GPC5: variants seen among roughly 807,000 people sequenced by gnomAD.
The protein encoded by GPC5 is glypican-5.
A neutral mutation model predicts 53.9 loss-of-function variants in GPC5; 47 were observed. The ratio of observed to expected loss-of-function variants is 0.87; its 90% CI spans 0.69 to 1.11. GPC5 has a LOEUF of 1.11. GPC5 is among the 50% of genes most tolerant of loss of function. The probability of loss-of-function intolerance (pLI) is 0.00; values close to 1 mark genes in which losing one functional copy is unlikely to be tolerated. For missense variants in GPC5, 748 were observed against 713.1 expected, an observed-to-expected ratio of 1.05 and a Z score of -0.56; for synonymous variants, 286 against 263.3, an observed-to-expected ratio of 1.09 and a Z score of -0.84.
At chr13:91,453,174 G>C (rs1272708745) in intron 2 of GPC5, among the ~76,000 whole-genome samples, 1 of 151,830 alleles carries the variant, frequency 6.6e-6, no homozygotes, top group Non-Finnish European at 1.5e-5. Context: ...GGGTTGAAAT[G>C]TTAGATTCAG....
intron 6 of GPC5, among the ~76,000 whole-genome samples, chr13:92,125,996 C>T (rs2041693987): frequency 9.1e-6 from 1 of 109,608 alleles, no homozygotes; most frequent in Middle Eastern, 0.012. Flanking sequence ...ACTTTGTTGC[C>T]CCGGCTGGAG....
chr13:91,699,053 G>T (rs2035941532), intron 3 of GPC5, among the ~76,000 whole-genome samples: 1 of 152,202 alleles, frequency 6.6e-6, no homozygotes, highest in Non-Finnish European at 1.5e-5. Flanking sequence ...GAAATAGAAT[G>T]ATACCAGAGT....
At chr13:91,596,664 G>A (rs2033005052) in intron 2 of GPC5, among the ~76,000 whole-genome samples, 1 of 152,010 alleles carries the variant, frequency 6.6e-6, no homozygotes, top group Non-Finnish European at 1.5e-5. Flanking sequence ...TTTCTTTTCA[G>A]ACTTCTGGGT....
At chr13:92,758,021 A>G (rs1213817757) in intron 7 of GPC5, among the ~76,000 whole-genome samples, 3 of 151,108 alleles carry the variant, frequency 2.0e-5, no homozygotes, top group Non-Finnish European at 2.9e-5. Flanking sequence ...TGCTATAAAG[A>G]CACATGCACA....
chr13:91,881,292 A>G (rs1022318062), intron 5 of GPC5, among the ~76,000 whole-genome samples: 1 of 152,120 alleles, frequency 6.6e-6, no homozygotes, highest in Non-Finnish European at 1.5e-5. Context: ...ATATTTTAAC[A>G]TATTTTAACA....
chr13:92,554,776 AT>A (rs1313567401), intron 7 of GPC5, among the ~76,000 whole-genome samples: 4 of 150,986 alleles, frequency 2.6e-5, no homozygotes, highest in African/African-American at 9.7e-5. Context: ...AGAAAATATT[AT>A]ATAGAAAGAT....
rs79379731 is a variant in GPC5 at position 91,528,891 on chromosome 13, A to T, written c.325+79969A>T. Among the ~76,000 whole-genome samples, 350 of 152,296 alleles carry T rather than the reference A, an allele frequency of 2.3e-3. 2 individuals are homozygous for T. Among genetic ancestry groups the T allele is most frequent in the African/African-American group, 8.0e-3 (334 of 41,554 alleles). ...CTTGTAAACCATCAGAGTGCGTGAG[A>T]ACCCCCTTACTATCATGAGGACAGC... On this transcript the variant is annotated intron_variant, in intron 2 of 7. Transcript: ENST00000377067.
chr13:92,639,805 T>G (rs1885528242), intron 7 of GPC5, among the ~76,000 whole-genome samples: 1 of 152,166 alleles, frequency 6.6e-6, no homozygotes, highest in Admixed American at 6.5e-5. Flanking sequence ...TTGAAAACTC[T>G]TCCCTCCCCA....
chr13:92,165,285 G>A (rs1388872446), intron 7 of GPC5, among the ~76,000 whole-genome samples: 5 of 152,136 alleles, frequency 3.3e-5, no homozygotes, highest in African/African-American at 9.7e-5. Flanking sequence ...TTAAAAATAA[G>A]TTCCAATTCC....
chr13:91,415,167 C>G (rs1878104454), intron 1 of GPC5, among the ~76,000 whole-genome samples: 2 of 152,106 alleles, frequency 1.3e-5, no homozygotes, highest in Admixed American at 1.3e-4. Flanking sequence ...CTGCTTGGGC[C>G]ATGTGTCAGT....
chr13:91,790,795 G>T (rs1369083183), intron 5 of GPC5, among the ~76,000 whole-genome samples: 2 of 152,300 alleles, frequency 1.3e-5, no homozygotes, highest in South Asian at 2.1e-4. Flanking sequence ...AAATACAAAT[G>T]TATGTTAATG....
intron 7 of GPC5, among the ~76,000 whole-genome samples, chr13:92,346,196 T>C (rs2043410500): frequency 6.6e-6 from 1 of 152,084 alleles, no homozygotes; most frequent in African/African-American, 2.4e-5. Context: ...CAATCCTCAG[T>C]CATGTATTTC....
intron 7 of GPC5, among the ~76,000 whole-genome samples, chr13:92,704,901 A>ATATATATGAG (rs771905338): frequency 2.1e-5 from 2 of 94,074 alleles, no homozygotes; most frequent in Non-Finnish European, 4.4e-5. Flanking sequence ...ATATATGAGT[A>ATATATATGAG]TATATATATA....
chr13:91,475,139 A>T (rs766635088), intron 2 of GPC5, among the ~76,000 whole-genome samples: 11 of 152,184 alleles, frequency 7.2e-5, no homozygotes, highest in Non-Finnish European at 8.8e-5. Context: ...AGGTGGCAAA[A>T]GCACATGCCA....
chr13:92,842,655 G>GCT (rs1173481161), intron 7 of GPC5, among the ~76,000 whole-genome samples: 1 of 140,666 alleles, frequency 7.1e-6, no homozygotes, highest in Non-Finnish European at 1.6e-5. Context: ...ATACATAATT[G>GCT]TTTTTTTTTT....
At chr13:92,303,521 G>C (rs952015265) in intron 7 of GPC5, among the ~76,000 whole-genome samples, 7 of 152,082 alleles carry the variant, frequency 4.6e-5, no homozygotes, top group Non-Finnish European at 1.0e-4. Flanking sequence ...TCTGTGGCCA[G>C]AGAGAATTGT....
intron 2 of GPC5, among the ~76,000 whole-genome samples, chr13:91,490,801 C>T (rs1883902388): frequency 6.6e-6 from 1 of 152,146 alleles, no homozygotes. Flanking sequence ...TTTGCTGCTT[C>T]TTCTTGTTTC....
chr13:91,884,553 C>T (rs957350729), intron 5 of GPC5, among the ~76,000 whole-genome samples: 1 of 152,134 alleles, frequency 6.6e-6, no homozygotes, highest in African/African-American at 2.4e-5. Flanking sequence ...GATGAGAATA[C>T]ATGAACACAG....
At chr13:92,297,481 T>A (rs1348537776) in intron 7 of GPC5, among the ~76,000 whole-genome samples, 1 of 147,060 alleles carries the variant, frequency 6.8e-6, no homozygotes, top group Non-Finnish European at 1.5e-5. Flanking sequence ...GCACTCTGTA[T>A]CTAGCTCAAG....
Sources: gnomAD v4.1 joint callset for allele counts (sites outside exome capture counted in the v4.1 genomes callset) on GRCh38, gnomAD v4.1.1 for gene constraint, MANE v1.5 for transcripts, NCBI Gene and HGNC (gene_info 2026-07-23, HGNC 2026-07-21) for gene names.